AFF3: variants seen among roughly 807,000 people sequenced by gnomAD.
AFF3 encodes the protein ALF transcription elongation factor 3.
A neutral mutation model predicts 129.7 loss-of-function variants in AFF3; 32 were observed. The observed-to-expected ratio is 0.25, with a 90% CI of 0.19 to 0.33. The LOEUF (loss-of-function observed/expected upper bound fraction) is 0.33. Among genes scored for constraint, AFF3 ranks in the 10% least tolerant of loss-of-function variants. The pLI, the probability that AFF3 is intolerant of heterozygous loss-of-function variation, is 1.00. For missense variants in AFF3, 1,373 were observed against 1,592.0 expected (o/e 0.86, Z 2.34); for synonymous variants, 644 against 635.4 (o/e 1.01, Z -0.20).
intron 4 of AFF3, among the ~76,000 whole-genome samples, chr2:100,074,117 T>TGTGTGCATCC (rs1030664658): frequency 6.6e-6 from 1 of 152,174 alleles, no homozygotes; most frequent in Non-Finnish European, 1.5e-5. Flanking sequence ...TTGGTTTCCT[T>TGTGTGCATCC]GTGTGCATCC....
intron 7 of AFF3, among the ~76,000 whole-genome samples, chr2:99,855,981 C>T (rs1594112): frequency 0.63 from 94,996 of 151,926 alleles, 30,447 homozygotes; most frequent in South Asian, 0.75. Context: ...ATAAGAAAAA[C>T]ATCATACAAA....
intron 7 of AFF3, among the ~76,000 whole-genome samples, chr2:99,934,089 C>A (rs1576377823): frequency 6.6e-6 from 1 of 152,130 alleles, no homozygotes; most frequent in Non-Finnish European, 1.5e-5. Context: ...CTGAAAGGAA[C>A]CTGCAGTACA....
At chr2:100,061,860 G>GGC (rs1553515745) in intron 4 of AFF3, among the ~76,000 whole-genome samples, 4 of 151,220 alleles carry the variant, frequency 2.6e-5, no homozygotes, top group South Asian at 2.1e-4. Flanking sequence ...ACAGTGGAGG[G>GGC]GGGGGGGGTG....
At chr2:99,643,397 A>G (rs982187449) in intron 13 of AFF3, among the ~76,000 whole-genome samples, 1 of 152,072 alleles carries the variant, frequency 6.6e-6, no homozygotes, top group African/African-American at 2.4e-5. Context: ...TGCTTTGGGG[A>G]GACCGAAGGC....
chr2:99,658,489 T>C (rs1185106314), intron 12 of AFF3, among the ~76,000 whole-genome samples: 1 of 152,118 alleles, frequency 6.6e-6, no homozygotes, highest in Non-Finnish European at 1.5e-5. Context: ...GGATTACAGG[T>C]GCCTGTTACC....
At chr2:99,785,655 G>C (rs1684734610) in intron 8 of AFF3, among the ~76,000 whole-genome samples, 1 of 152,204 alleles carries the variant, frequency 6.6e-6, no homozygotes, top group Admixed American at 6.5e-5. Context: ...CAGTGAATAT[G>C]TGGAAGAGTT....
intron 8 of AFF3, among the ~76,000 whole-genome samples, chr2:99,789,987 T>C (rs188754527): frequency 1.3e-5 from 2 of 152,324 alleles, no homozygotes; most frequent in East Asian, 1.9e-4. Context: ...TAAAATTAGA[T>C]TGTTGATGGC....
chr2:100,053,802 C>A (rs1686546442), intron 4 of AFF3, among the ~76,000 whole-genome samples: 1 of 152,152 alleles, frequency 6.6e-6, no homozygotes, highest in South Asian at 2.1e-4. Flanking sequence ...CTCTTGACAG[C>A]AACAGCATTA....
At chr2:100,011,456 T>C (rs775493029) in intron 4 of AFF3, 1 of 780,810 alleles carries the variant, frequency 1.3e-6, no homozygotes, top group Non-Finnish European at 2.4e-6. Flanking sequence ...TTGAGAATGA[T>C]TTCTGGGCTT....
At position 99,553,870 on chromosome 2, in the gene AFF3, T is replaced by C. The variant is rs547429959; in HGVS notation, c.3559+441A>G. Reference sequence around the variant, plus strand: ...CGGAGGTTGCAGTGAGCCGAGATAGTGCCCATTGCACTTCAGCCTGGCAAC... The same window carrying C: ...CGGAGGTTGCAGTGAGCCGAGATAGCGCCCATTGCACTTCAGCCTGGCAAC... On this transcript the variant is annotated intron_variant, in intron 24 of 24. Coordinates refer to ENST00000672756, the MANE Select transcript of AFF3 (RefSeq NM_001386135.1). Among the ~76,000 whole-genome samples the C allele has an allele frequency of 1.6e-3, 207 of 127,346 alleles. 2 individuals carry two copies. In the Middle Eastern group the frequency reaches 0.049, roughly 30 times the overall value. 83.5% of individuals were successfully genotyped at this position (127,346 alleles called of 152,430 possible).
At chr2:99,634,000 C>T (rs570788102) in intron 13 of AFF3, among the ~76,000 whole-genome samples, 13 of 150,916 alleles carry the variant, frequency 8.6e-5, no homozygotes, top group South Asian at 4.2e-4. Context: ...CTGCCTCCTC[C>T]GCCTCCTGGG....
At chr2:99,579,445 C>T (rs986795167) in intron 17 of AFF3, among the ~76,000 whole-genome samples, 1 of 150,610 alleles carries the variant, frequency 6.6e-6, no homozygotes, top group African/African-American at 2.4e-5. Flanking sequence ...CTAGGCCAGG[C>T]ATGGTGGCTC....
chr2:99,688,516 G>A (rs1336124407), intron 11 of AFF3, among the ~76,000 whole-genome samples: 3 of 152,150 alleles, frequency 2.0e-5, no homozygotes, highest in Admixed American at 6.5e-5. Context: ...GGACACCTTG[G>A]TCTCCTTGTC....
chr2:100,050,863 A>T (rs1011105977), intron 4 of AFF3, among the ~76,000 whole-genome samples: 2 of 152,134 alleles, frequency 1.3e-5, no homozygotes, highest in Non-Finnish European at 2.9e-5. Context: ...TCTTCTGGGG[A>T]TGCTGCTATT....
chr2:99,925,638 C>T (rs905117166), intron 7 of AFF3, among the ~76,000 whole-genome samples: 2 of 152,202 alleles, frequency 1.3e-5, no homozygotes, highest in Admixed American at 6.5e-5. Context: ...CCTTCTGCCA[C>T]CACGGAAATA....
chr2:99,791,056 C>T (rs940791202), intron 8 of AFF3, among the ~76,000 whole-genome samples: 4 of 152,180 alleles, frequency 2.6e-5, no homozygotes, highest in Non-Finnish European at 5.9e-5. Flanking sequence ...AGAGTATATT[C>T]CATCTTTTTC....
In AFF3 at chr2:99,560,397, G is replaced by A. The variant is rs1675362538; in HGVS notation, c.3159C>T (p.Ala1053=). 1.2e-6 allele frequency: 2 copies of A among 1,614,152 alleles called. No homozygotes were observed. The highest frequency in any genetic ancestry group is 1.7e-6 in the Non-Finnish European group (2 of 1,180,008). Residue 1053 remains alanine, a synonymous_variant, in exon 21 of 25, where the codon GCC becomes GCT. Coordinates refer to ENST00000672756, the MANE Select transcript of AFF3 (RefSeq NM_001386135.1). ...MRLKTHSGPN[A]TPEDKQLAAL... ...CAGCCAGTTGTTTGTCTTCTGGTGTGGCATTGGGGCCTGAGTGGGTTTTTA... is the reference window on the plus strand; with the variant it reads ...CAGCCAGTTGTTTGTCTTCTGGTGTAGCATTGGGGCCTGAGTGGGTTTTTA...
chr2:100,047,814 A>G (rs951084689), intron 4 of AFF3, among the ~76,000 whole-genome samples: 1 of 152,242 alleles, frequency 6.6e-6, no homozygotes, highest in African/African-American at 2.4e-5. Flanking sequence ...GCTTGTATTA[A>G]CTAGTGCCAT....
At chr2:99,841,532 C>G (rs892327260) in intron 7 of AFF3, among the ~76,000 whole-genome samples, 1 of 152,214 alleles carries the variant, frequency 6.6e-6, no homozygotes, top group Non-Finnish European at 1.5e-5. Flanking sequence ...GGCAGAGGAA[C>G]CTCTTGAGTC....
Sources: gnomAD v4.1 joint callset for allele counts (sites outside exome capture counted in the v4.1 genomes callset) on GRCh38, gnomAD v4.1.1 for gene constraint, MANE v1.5 for transcripts, NCBI Gene and HGNC (gene_info 2026-07-23, HGNC 2026-07-21) for gene names.